Variants in THSD7B observed in about 807,000 individuals in gnomAD.
THSD7B encodes the protein thrombospondin type 1 domain containing 7B.
A neutral mutation model predicts 213.6 loss-of-function variants in THSD7B; 138 were observed. The observed-to-expected ratio is 0.65, with a 90% confidence interval of 0.56 to 0.74. The LOEUF (loss-of-function observed/expected upper bound fraction) is 0.74. THSD7B is among the 30% of genes least tolerant of loss of function. The probability of loss-of-function intolerance (pLI) is 0.00; values close to 1 mark genes in which losing one functional copy is unlikely to be tolerated. For synonymous variants in THSD7B, 742 were observed against 687.0 expected (o/e 1.08, Z -1.25); for missense variants, 1,931 against 1,991.5 (o/e 0.97, Z 0.58).
chr2:136,909,032 A>C (rs181021851), intron 2 of THSD7B, among the ~76,000 whole-genome samples: 10 of 152,144 alleles, frequency 6.6e-5, no homozygotes, highest in Admixed American at 2.6e-4. Flanking sequence ...AATACAAAAA[A>C]GTTAGTCAGG....
chr2:136,903,778 C>G (rs1223015008), intron 2 of THSD7B, among the ~76,000 whole-genome samples: 1 of 152,104 alleles, frequency 6.6e-6, no homozygotes. Context: ...AACCCTTTAC[C>G]AATTAGAAAT....
chr2:137,158,620 T>G (rs947595122), intron 5 of THSD7B, among the ~76,000 whole-genome samples: 1 of 151,518 alleles, frequency 6.6e-6, no homozygotes, highest in Non-Finnish European at 1.5e-5. Flanking sequence ...TGCCTCATTG[T>G]TCATTAGAAA....
intron 1 of THSD7B, among the ~76,000 whole-genome samples, chr2:136,864,351 T>A (rs1232389474): frequency 2.0e-5 from 3 of 152,180 alleles, no homozygotes; most frequent in Non-Finnish European, 4.4e-5. Flanking sequence ...CCTGAATAAA[T>A]GTTCTTGTTG....
At chr2:136,880,672 A>G (rs1360801010) in intron 1 of THSD7B, among the ~76,000 whole-genome samples, 1 of 152,052 alleles carries the variant, frequency 6.6e-6, no homozygotes, top group African/African-American at 2.4e-5. Context: ...CCTCTTATGT[A>G]GCACATCCAG....
chr2:136,785,164 C>G (rs1681818038), intron 1 of THSD7B, among the ~76,000 whole-genome samples: 1 of 152,210 alleles, frequency 6.6e-6, no homozygotes, highest in Non-Finnish European at 1.5e-5. Context: ...AAGCCTTCCA[C>G]TCACTGGCCT....
intron 15 of THSD7B, among the ~76,000 whole-genome samples, chr2:137,548,390 G>A (rs1436538794): frequency 6.6e-6 from 1 of 151,916 alleles, no homozygotes; most frequent in Non-Finnish European, 1.5e-5. Context: ...AATAGTAATA[G>A]TGATGATCAT....
chr2:137,564,790 A>G (rs748474759), intron 16 of THSD7B, among the ~76,000 whole-genome samples: 1 of 152,158 alleles, frequency 6.6e-6, no homozygotes, highest in Admixed American at 6.6e-5. Context: ...GCTTAAACCT[A>G]CAGAGCCCGA....
intron 2 of THSD7B, among the ~76,000 whole-genome samples, chr2:136,908,596 T>A (rs1348015606): frequency 6.6e-6 from 1 of 152,186 alleles, no homozygotes; most frequent in Non-Finnish European, 1.5e-5. Context: ...TGTCTGTACA[T>A]CAGCCATCTA....
chr2:136,863,271 G>A (rs1053233408), intron 1 of THSD7B, among the ~76,000 whole-genome samples: 10 of 152,186 alleles, frequency 6.6e-5, no homozygotes, highest in South Asian at 2.1e-4. Flanking sequence ...TGTTTTCACC[G>A]GAACCCAGCA....
At chr2:136,936,735 A>G (rs981867376) in intron 2 of THSD7B, among the ~76,000 whole-genome samples, 1 of 152,178 alleles carries the variant, frequency 6.6e-6, no homozygotes, top group African/African-American at 2.4e-5. Flanking sequence ...TGCATGGATG[A>G]TGGATGCACC....
chr2:137,232,054 T>C (rs541016866), intron 8 of THSD7B, among the ~76,000 whole-genome samples: 1 of 152,296 alleles, frequency 6.6e-6, no homozygotes, highest in South Asian at 2.1e-4. Flanking sequence ...CTCTTTTCTT[T>C]TATATTTCTG....
At chr2:137,410,744 A>G (rs1049664261) in intron 13 of THSD7B, among the ~76,000 whole-genome samples, 6 of 152,198 alleles carry the variant, frequency 3.9e-5, no homozygotes, top group African/African-American at 1.4e-4. Context: ...ATAGACCAAT[A>G]AAACTGCCTA....
chr2:136,944,069 C>CTA, intron 2 of THSD7B, among the ~76,000 whole-genome samples: 1 of 152,218 alleles, frequency 6.6e-6, no homozygotes, highest in East Asian at 1.9e-4. Context: ...CTCTGAGATT[C>CTA]TAGTATGTTG....
intron 16 of THSD7B, among the ~76,000 whole-genome samples, chr2:137,568,111 C>A (rs1365481816): frequency 6.6e-6 from 1 of 151,962 alleles, no homozygotes. Flanking sequence ...TTGAGTTTGG[C>A]AATGGGGAGT....
chr2:137,498,845 T>C (rs1679635430), intron 15 of THSD7B, among the ~76,000 whole-genome samples: 1 of 152,168 alleles, frequency 6.6e-6, no homozygotes, highest in Admixed American at 6.6e-5. Flanking sequence ...GTGAGCTGCC[T>C]CATGCTGAAG....
intron 12 of THSD7B, among the ~76,000 whole-genome samples, chr2:137,398,230 G>C (rs1377691723): frequency 4.9e-4 from 73 of 150,206 alleles, no homozygotes; most frequent in Middle Eastern, 7.1e-3. Flanking sequence ...TTTGGAGGAG[G>C]AGAGGTGCTC....
chr2:136,775,637 C>T (rs539878730), intron 1 of THSD7B, among the ~76,000 whole-genome samples: 7 of 152,172 alleles, frequency 4.6e-5, no homozygotes, highest in South Asian at 4.1e-4. Flanking sequence ...AGTGTATTCA[C>T]GTATGCCTGC....
intron 12 of THSD7B, among the ~76,000 whole-genome samples, chr2:137,379,971 A>C (rs1573994465): frequency 6.6e-6 from 1 of 152,216 alleles, no homozygotes; most frequent in East Asian, 1.9e-4. Flanking sequence ...ACTCTGTTGC[A>C]AACAACTTCC....
chr2:137,117,232 T>C (rs1688461184), intron 5 of THSD7B, among the ~76,000 whole-genome samples: 1 of 152,198 alleles, frequency 6.6e-6, no homozygotes, highest in Admixed American at 6.5e-5. Flanking sequence ...TTCTTATAAA[T>C]GCTTTCACTT....
Sources: allele counts gnomAD v4.1 joint callset (sites outside exome capture counted in the v4.1 genomes callset), GRCh38; gene constraint gnomAD v4.1.1; transcripts MANE v1.5; gene names NCBI Gene and HGNC (gene_info 2026-07-23, HGNC 2026-07-21).